SEMA3A: variants seen among roughly 807,000 people sequenced by gnomAD.
SEMA3A encodes the protein semaphorin-3A.
A neutral mutation model predicts 97.9 loss-of-function variants in SEMA3A; 29 were observed. The observed-to-expected ratio is 0.30, with a 90% confidence interval of 0.22 to 0.40. The LOEUF is 0.40. Ranked by LOEUF, SEMA3A falls within the 10% of genes least tolerant of loss-of-function variation. The pLI is 1.00. For missense variants in SEMA3A, 763 were observed against 951.3 expected (o/e 0.80, Z 2.60); for synonymous variants, 321 against 323.7 (o/e 0.99, Z 0.09).
intron 3 of SEMA3A, among the ~76,000 whole-genome samples, chr7:84,296,596 A>G (rs1425948258): frequency 1.3e-5 from 2 of 152,168 alleles, no homozygotes; most frequent in Non-Finnish European, 1.5e-5. Flanking sequence ...ATTTAAATTT[A>G]TTATAAAACT....
intron 2 of SEMA3A, among the ~76,000 whole-genome samples, chr7:84,316,867 T>C (rs1435676640): frequency 6.6e-6 from 1 of 152,206 alleles, no homozygotes; most frequent in East Asian, 1.9e-4. Context: ...CAAAAACCTT[T>C]TTGCTGCTTC....
chr7:84,304,341 A>C (rs565444747), intron 3 of SEMA3A, among the ~76,000 whole-genome samples: 1 of 152,236 alleles, frequency 6.6e-6, no homozygotes, highest in East Asian at 1.9e-4. Flanking sequence ...TCAATAATAC[A>C]ATTTTTGAGA....
chr7:83,974,187 G>A (rs936013942), intron 15 of SEMA3A, among the ~76,000 whole-genome samples: 1 of 152,070 alleles, frequency 6.6e-6, no homozygotes, highest in Non-Finnish European at 1.5e-5. Flanking sequence ...TCCCCTAGGT[G>A]ACCAGCCACC....
At chr7:83,965,900 C>T (rs1020275418) in intron 15 of SEMA3A, among the ~76,000 whole-genome samples, 7 of 150,016 alleles carry the variant, frequency 4.7e-5, no homozygotes, top group East Asian at 4.0e-4. Context: ...AGGATGGTCT[C>T]GATCTCCTGA....
intron 3 of SEMA3A, among the ~76,000 whole-genome samples, chr7:84,265,955 G>T (rs1435443606): frequency 6.6e-6 from 1 of 152,072 alleles, no homozygotes; most frequent in Non-Finnish European, 1.5e-5. Flanking sequence ...AAATCCTAAA[G>T]AATTTGAATA....
chr7:83,985,366 AG>A (rs1789582480), intron 13 of SEMA3A, 69 bp downstream of exon 13: 2 of 1,045,082 alleles, frequency 1.9e-6, no homozygotes, highest in Admixed American at 4.4e-5. Context: ...TTTGATAAAT[AG>A]ATATATCTAT....
chr7:84,445,493 CAAAAAAAAAA>C lies in SEMA3A; in HGVS notation c.-246+46957_-246+46966del, dbSNP rs61298477. 5.3e-3 allele frequency among the ~76,000 whole-genome samples: 146 copies of C among 27,576 alleles called. 1 individual carries two copies. The East Asian group carries it at 0.09, about 17-fold the overall frequency. 18.1% of individuals were successfully genotyped at this position (27,576 alleles called of 152,430 possible). On this transcript the variant is annotated intron_variant, in intron 1 of 3. Coordinates refer to the SEMA3A transcript ENST00000424555. ...TGGGCGACAGAGTGAGACTCCATCTCAAAAAAAAAAAAAAAAAAAAAAAAAAAGAAAAGAA... is the reference window on the plus strand; with the variant it reads ...TGGGCGACAGAGTGAGACTCCATCTCAAAAAAAAAAAAAAAAAGAAAAGAA...
At chr7:84,260,920 G>A (rs773261872) in intron 3 of SEMA3A, among the ~76,000 whole-genome samples, 1 of 152,182 alleles carries the variant, frequency 6.6e-6, no homozygotes, top group African/African-American at 2.4e-5. Context: ...GTCCATTCCA[G>A]GTGGAGTCTG....
At chr7:84,413,824 T>A (rs35949214) in intron 1 of SEMA3A, among the ~76,000 whole-genome samples, 17,039 of 152,200 alleles carry the variant, frequency 0.11, 1,201 homozygotes, top group East Asian at 0.28. Flanking sequence ...AGGAAAAATA[T>A]AACGTAGTGA....
chr7:84,420,175 G>A (rs1473630193), intron 1 of SEMA3A, among the ~76,000 whole-genome samples: 5 of 150,026 alleles, frequency 3.3e-5, no homozygotes, highest in Admixed American at 2.7e-4. Context: ...AGGAAACTAT[G>A]TCTCATTCAC....
intron 3 of SEMA3A, among the ~76,000 whole-genome samples, chr7:84,235,027 G>A (rs962509772): frequency 1.3e-5 from 2 of 151,962 alleles, no homozygotes; most frequent in African/African-American, 4.8e-5. Flanking sequence ...TGTCTAGAGC[G>A]CAACTTCATG....
rs544549507 is a variant in SEMA3A, at chr7:84,245,359, C to G, written c.-82-50691G>C. On this transcript the variant is annotated intron_variant, in intron 3 of 3. Coordinates refer to the SEMA3A transcript ENST00000424555. ...TAAGTTGATCTTCAATCTCTGATATCCTTTCTTCTACTTGATCAATTTGGC... is the reference window on the plus strand; with the variant it reads ...TAAGTTGATCTTCAATCTCTGATATGCTTTCTTCTACTTGATCAATTTGGC... Among the ~76,000 whole-genome samples, 10 of 151,966 alleles carry G rather than the reference C, an allele frequency of 6.6e-5. No homozygotes were observed. The East Asian group carries it at 2.0e-3, about 30-fold the overall frequency.
intron 3 of SEMA3A, among the ~76,000 whole-genome samples, chr7:84,277,696 C>T (rs185626052): frequency 9.5e-4 from 144 of 152,200 alleles, no homozygotes; most frequent in African/African-American, 3.4e-3. Flanking sequence ...ACATCTGCTT[C>T]AGGGGGGGCC....
chr7:83,989,728 T>C lies in SEMA3A; in HGVS notation c.1453-4251A>G, dbSNP rs1192325858. ...AATCCAGTCTATCATTGTTGGACAT[T>C]TGGGTTGGTTCCAAGTCTTTGCTAT... On this transcript the variant is annotated intron_variant, in intron 12 of 16. Transcript: ENST00000265362. 2.1e-3 allele frequency among the ~76,000 whole-genome samples: 300 copies of C among 143,620 alleles called. 1 individual carries two copies. Among genetic ancestry groups the C allele is most frequent in the African/African-American group, 7.4e-3 (284 of 38,310 alleles). The allele number at this position is 143,620 out of a possible 152,430, so 94.2% of individuals were successfully genotyped here.
intron 3 of SEMA3A, among the ~76,000 whole-genome samples, chr7:84,217,137 T>G (rs558377896): frequency 6.6e-6 from 1 of 152,364 alleles, no homozygotes; most frequent in African/African-American, 2.4e-5. Flanking sequence ...GTGTGTATTT[T>G]ATATCCTCCT....
intron 1 of SEMA3A, among the ~76,000 whole-genome samples, chr7:84,169,234 T>A (rs1797309821): frequency 6.6e-6 from 1 of 151,500 alleles, no homozygotes; most frequent in South Asian, 2.1e-4. Context: ...AAATAATGAA[T>A]ATGATCAAAT....
At chr7:84,362,117 T>C (rs974023695) in intron 2 of SEMA3A, among the ~76,000 whole-genome samples, 2 of 151,908 alleles carry the variant, frequency 1.3e-5, no homozygotes, top group Non-Finnish European at 2.9e-5. Context: ...GACTAAATAA[T>C]TGGATGACCT....
chr7:84,467,551 A>T (rs900465048), intron 1 of SEMA3A, among the ~76,000 whole-genome samples: 1 of 135,316 alleles, frequency 7.4e-6, no homozygotes, highest in African/African-American at 2.9e-5. Context: ...AAAAAAAAAA[A>T]TTCAATTCCA....
chr7:84,462,205 A>G (rs182362691), intron 1 of SEMA3A, among the ~76,000 whole-genome samples: 55 of 152,280 alleles, frequency 3.6e-4, no homozygotes, highest in African/African-American at 1.2e-3. Flanking sequence ...TCATAAAAAT[A>G]TACCTTATTA....
Sources: gnomAD v4.1 joint callset for allele counts (sites outside exome capture counted in the v4.1 genomes callset) on GRCh38, gnomAD v4.1.1 for gene constraint, MANE v1.5 for transcripts, NCBI Gene and HGNC (gene_info 2026-07-23, HGNC 2026-07-21) for gene names.